The following PDZD2 variants were observed in gnomAD, a reference collection of about 807,000 sequenced individuals.
PDZD2 encodes the protein PDZ domain containing 2.
In PDZD2, 90 loss-of-function variants were observed where a neutral mutation model predicts 220.7. The observed-to-expected ratio is 0.41, with a 90% CI of 0.34 to 0.49. The LOEUF is 0.49. PDZD2 is among the 20% of genes least tolerant of loss of function. PDZD2 has a pLI of 0.28. For missense variants in PDZD2, 3,174 were observed against 3,608.5 expected, an observed-to-expected ratio of 0.88 and a Z score of 3.08; for synonymous variants, 1,375 against 1,450.5, an observed-to-expected ratio of 0.95 and a Z score of 1.18.
intron 3 of PDZD2, among the ~76,000 whole-genome samples, chr5:31,983,863 T>A (rs930988392): frequency 1.1e-4 from 17 of 152,274 alleles, no homozygotes; most frequent in South Asian, 8.3e-4. Context: ...AGAAAAGTGA[T>A]CAGAGGAGAA....
chr5:31,666,473 A>G (rs1053639304), intron 1 of PDZD2, among the ~76,000 whole-genome samples: 2 of 152,248 alleles, frequency 1.3e-5, no homozygotes, highest in African/African-American at 2.4e-5. Flanking sequence ...TTATTTTGAC[A>G]AGTTCATACA....
chr5:31,944,939 A>G (rs1746505586), intron 2 of PDZD2, among the ~76,000 whole-genome samples: 1 of 152,238 alleles, frequency 6.6e-6, no homozygotes, highest in Non-Finnish European at 1.5e-5. Flanking sequence ...TTACCATCTG[A>G]TCCCATACAT....
At chr5:31,837,084 C>A (rs1756991165) in intron 2 of PDZD2, among the ~76,000 whole-genome samples, 1 of 151,738 alleles carries the variant, frequency 6.6e-6, no homozygotes, top group Admixed American at 6.6e-5. Context: ...ATCATGTAGA[C>A]TAATCCACTT....
chr5:31,728,643 AT>A (rs1561412504), intron 1 of PDZD2, among the ~76,000 whole-genome samples: 1 of 152,130 alleles, frequency 6.6e-6, no homozygotes, highest in Non-Finnish European at 1.5e-5. Flanking sequence ...GGTTGCACAG[AT>A]TTGTTTACCC....
intron 2 of PDZD2, among the ~76,000 whole-genome samples, chr5:31,960,171 T>TTTTC (rs895128687): frequency 2.1e-5 from 3 of 145,242 alleles, no homozygotes; most frequent in African/African-American, 8.6e-5. Flanking sequence ...GCTTGCTTTC[T>TTTTC]TTTCTTTCCT....
intron 1 of PDZD2, among the ~76,000 whole-genome samples, chr5:31,779,836 G>A (rs1231643929): frequency 2.0e-5 from 3 of 151,998 alleles, no homozygotes; most frequent in African/African-American, 7.3e-5. Flanking sequence ...GCAGCTTCAC[G>A]TGTTCGTTTT....
intron 2 of PDZD2, among the ~76,000 whole-genome samples, chr5:31,887,628 G>A (rs994655286): frequency 3.9e-5 from 6 of 152,214 alleles, no homozygotes; most frequent in Non-Finnish European, 8.8e-5. Context: ...TCAATTGTCC[G>A]TTGTTCTGTT....
chr5:31,984,990 G>A (rs1350284463), intron 3 of PDZD2, among the ~76,000 whole-genome samples: 1 of 151,970 alleles, frequency 6.6e-6, no homozygotes, highest in African/African-American at 2.4e-5. Context: ...GGAGCTGGGT[G>A]ATCTTCATAA....
intron 2 of PDZD2, among the ~76,000 whole-genome samples, chr5:31,968,647 T>G (rs1748981638): frequency 6.6e-6 from 1 of 151,482 alleles, no homozygotes; most frequent in Non-Finnish European, 1.5e-5. Context: ...AAGAGCGAAA[T>G]TCTGTCTCAA....
At chr5:31,877,576 T>A (rs1739421727) in intron 2 of PDZD2, among the ~76,000 whole-genome samples, 1 of 152,168 alleles carries the variant, frequency 6.6e-6, no homozygotes, top group African/African-American at 2.4e-5. Flanking sequence ...CTTTGTTCAT[T>A]GTCATATCAC....
chr5:32,024,703 A>AAGAAAG lies in PDZD2; in HGVS notation c.1408-12527_1408-12526insGAAAGA, dbSNP rs1554027611. 8.6e-5 allele frequency among the ~76,000 whole-genome samples: 12 copies of AAGAAAG among 140,222 alleles called. 1 individual carries two copies. Among genetic ancestry groups the AAGAAAG allele is most frequent in the Non-Finnish European group, 1.1e-4 (7 of 64,256 alleles). 92.0% of individuals were successfully genotyped at this position (140,222 alleles called of 152,430 possible). On this transcript the variant is annotated intron_variant, in intron 6 of 24. Coordinates refer to ENST00000438447, the MANE Select transcript of PDZD2 (RefSeq NM_178140.4). ...ATCTCAAAAAAAAAAAGAAAGAAAA[A>AAGAAAG]AAAGAAAAGGAAAGAAAGAAACGTG...
At chr5:31,854,517 G>A (rs548753204) in intron 2 of PDZD2, among the ~76,000 whole-genome samples, 1 of 152,312 alleles carries the variant, frequency 6.6e-6, no homozygotes, top group Non-Finnish European at 1.5e-5. Context: ...TTAGCTGGGG[G>A]CTCCACCCCT....
Position 32,032,167 on chromosome 5 carries a change from TG to T in PDZD2, c.1408-5061del, listed in dbSNP as rs1755174720. 6.6e-5 allele frequency among the ~76,000 whole-genome samples: 10 copies of T among 152,328 alleles called. No homozygotes were observed. In the South Asian group the frequency reaches 2.1e-3, roughly 32 times the overall value. ...AAACGTGGGGGAGAGCAGGAAGAAC[TG>T]GGAAGTCGCAGCTTAGTTCCGTGTC... is the stretch of plus-strand genomic sequence containing the variant. On this transcript the variant is annotated intron_variant, in intron 6 of 24. Coordinates refer to ENST00000438447, the MANE Select transcript of PDZD2 (RefSeq NM_178140.4).
intron 1 of PDZD2, among the ~76,000 whole-genome samples, chr5:31,758,464 G>C (rs1050479172): frequency 4.6e-5 from 7 of 152,152 alleles, no homozygotes; most frequent in Admixed American, 4.6e-4. Context: ...GCCCTACCCT[G>C]GGGGACAGAC....
chr5:32,036,420 A>G (rs1353727849), intron 6 of PDZD2, among the ~76,000 whole-genome samples: 2 of 152,234 alleles, frequency 1.3e-5, no homozygotes, highest in African/African-American at 2.4e-5. Context: ...AGTCTTGTAC[A>G]TGTAAATTTA....
At chr5:32,065,899 G>A (rs547586301) in intron 14 of PDZD2, among the ~76,000 whole-genome samples, 3 of 152,172 alleles carry the variant, frequency 2.0e-5, no homozygotes, top group South Asian at 2.1e-4. Context: ...GGTGGCAGGC[G>A]CCTGTAATCC....
chr5:32,022,459 G>A lies in PDZD2; in HGVS notation c.1407+11977G>A, dbSNP rs142098435. On this transcript the variant is annotated intron_variant, in intron 6 of 24. Coordinates refer to ENST00000438447, the MANE Select transcript of PDZD2 (RefSeq NM_178140.4). ...TGAGCTCAGGCAATCTGCCTGCCTC[G>A]GCCTCCCAAAGTGCTGGGATTATAG... Among the ~76,000 whole-genome samples, 1,225 of 151,094 alleles carry A rather than the reference G, an allele frequency of 8.1e-3. 13 individuals are homozygous for A. Among genetic ancestry groups the A allele is most frequent in the African/African-American group, 0.028 (1,167 of 41,142 alleles).
chr5:31,941,664 G>A (rs1746224470), intron 2 of PDZD2, among the ~76,000 whole-genome samples: 1 of 152,100 alleles, frequency 6.6e-6, no homozygotes, highest in African/African-American at 2.4e-5. Context: ...TGTTATTGGG[G>A]TCCCACTGGC....
chr5:32,044,398 T>TG (rs1434896373), intron 7 of PDZD2, among the ~76,000 whole-genome samples: 5 of 151,894 alleles, frequency 3.3e-5, no homozygotes, highest in African/African-American at 1.2e-4. Context: ...ATACACACAG[T>TG]GACGGGCACC....
Sources: gnomAD v4.1 joint callset for allele counts (sites outside exome capture counted in the v4.1 genomes callset) on GRCh38, gnomAD v4.1.1 for gene constraint, MANE v1.5 for transcripts, NCBI Gene and HGNC (gene_info 2026-07-23, HGNC 2026-07-21) for gene names.